PYCR3: variants seen among roughly 807,000 people sequenced by gnomAD.
PYCR3 encodes P5C reductase 3.
A neutral mutation model predicts 23.4 loss-of-function variants in PYCR3; 26 were observed. The ratio of observed to expected loss-of-function variants is 1.11; its 90% CI spans 0.81 to 1.54. PYCR3 has a LOEUF of 1.54. Among genes scored for constraint, PYCR3 ranks in the 40% most tolerant of loss-of-function variants. PYCR3 has a pLI of 0.00. For missense variants in PYCR3, 360 were observed against 376.3 expected (o/e 0.96, Z 0.36); for synonymous variants, 194 against 162.6 (o/e 1.19, Z -1.47).
At position 143,604,891 on chromosome 8, in the gene PYCR3, G is replaced by A. The variant is rs757573929; in HGVS notation, c.*809C>T. ...TAGGCACGGGGCAGGAGGGCCCAGA[G>A]CCACCTGGCCACTTGTCAGGAGCTT... On this transcript the variant is annotated 3_prime_UTR_variant, in exon 6 of 6. Coordinates refer to ENST00000495276, the MANE Select transcript of PYCR3 (RefSeq NM_023078.6). 14 of 505,040 alleles carry A rather than the reference G, an allele frequency of 2.8e-5. No individual in the cohort carries two copies. The highest frequency in any genetic ancestry group is 7.9e-6 in the Non-Finnish European group (2 of 253,770). 31.3% of individuals were successfully genotyped at this position (505,040 alleles called of 1,614,324 possible). A position where few individuals can be genotyped will look rare whatever the true frequency, so the allele number is the denominator to read the frequency against.
At chr8:143,606,816 G>C (rs753448616) in intron 3 of PYCR3, 137 bp from the exon 4 acceptor site, 195 of 1,339,926 alleles carry the variant, frequency 1.5e-4, no homozygotes, top group Non-Finnish European at 1.8e-4. Flanking sequence ...AGCACCAGGA[G>C]GGAACCCTAA....
In PYCR3 at chr8:143,603,256, T is replaced by A. The variant is rs1472645097; in HGVS notation, c.*2444A>T. On this transcript the variant is annotated 3_prime_UTR_variant, in exon 6 of 6. Transcript: ENST00000495276. ...TTTTGAAGTCTTATTTTTAAACTCT[T>A]GATCCAACGCTTGGATCAGGAATAC... 1.3e-5 allele frequency: 2 copies of A among 152,250 alleles called. No homozygotes were observed. Among genetic ancestry groups the A allele is most frequent in the African/African-American group, 4.8e-5 (2 of 41,458 alleles). 9.4% of individuals were successfully genotyped at this position (152,250 alleles called of 1,614,324 possible).
intron 2 of PYCR3, 45 bp from the exon 3 acceptor site, chr8:143,607,177 G>A (rs1239231601): frequency 6.1e-6 from 9 of 1,474,642 alleles, no homozygotes; most frequent in East Asian, 2.5e-5. Flanking sequence ...CCATGTAAGC[G>A]GCGCACCCTC....
At chr8:143,608,311 T>C in intron 1 of PYCR3, 185 bp from the exon 2 acceptor site, 1 of 595,590 alleles carries the variant, frequency 1.7e-6, no homozygotes, top group South Asian at 2.0e-5. Context: ...GATCCACTGA[T>C]TCTACTTGGC....
rs778018660 is a variant in PYCR3, at chr8:143,605,812, C to A, written c.713G>T (p.Gly238Val). The A allele has an allele frequency of 5.0e-6, 8 of 1,612,216 alleles. No homozygotes were observed. Among genetic ancestry groups the A allele is most frequent in the Non-Finnish European group, 6.8e-6 (8 of 1,179,722 alleles). ...GTGGAGTCCATAGATGGTGGTGCCA[C>A]CCGGGGTGCACACGTCTGAGCGCAG... ...AQLRSDVCTP[G>V]GTTIYGLHAL... Residue 238 changes from glycine to valine, a missense_variant, in exon 6 of 6, where the codon GGT becomes GTT. Gly to Val is a moderately radical substitution (Grantham distance 109, BLOSUM62 -3). Transcript: ENST00000495276.
chr8:143,608,824 C>G, intron 1 of PYCR3: 1 of 456,630 alleles, frequency 2.2e-6, no homozygotes, highest in Non-Finnish European at 4.4e-6. Context: ...TCCTGAGACT[C>G]ATAGTAAGCT....
At chr8:143,608,581 C>G in intron 1 of PYCR3, 1 of 327,140 alleles carries the variant, frequency 3.1e-6, no homozygotes, top group South Asian at 2.4e-5. Flanking sequence ...GGCTAAATGC[C>G]TACTTGGTAG....
intron 1 of PYCR3, 106 bp downstream of exon 1, chr8:143,609,352 G>T: frequency 1.6e-6 from 2 of 1,254,628 alleles, no homozygotes; most frequent in South Asian, 1.7e-5. Flanking sequence ...GCGGAGCGGA[G>T]ACCCGGTTGG....
At position 143,606,892 on chromosome 8, in the gene PYCR3, G is replaced by A. The variant is rs951531694; in HGVS notation, c.336+61C>T. The A allele has an allele frequency of 3.0e-5, 46 of 1,514,092 alleles. No homozygotes were observed. The Admixed American group carries it at 5.3e-4, about 17-fold the overall frequency. The allele number at this position is 1,514,092 out of a possible 1,614,324, so 93.8% of individuals were successfully genotyped here. On this transcript the variant is annotated intron_variant, in intron 3 of 5. Transcript: ENST00000495276. ...CAGGCTCTCTGGGGGGCTGCCTGCC[G>A]CCCAAGCCTGGCCAGCAGAGCCTAT...
In PYCR3 at chr8:143,606,138, T is replaced by C; in HGVS notation, c.566A>G (p.Glu189Gly). 1 of 1,609,458 alleles carries C rather than the reference T, an allele frequency of 6.2e-7. No homozygotes were observed. Among genetic ancestry groups the C allele is most frequent in the East Asian group, 2.2e-5 (1 of 44,700 alleles). ...SGVAFVCAFS[E>G]ALAEGAVKMG... ...CTTGACGGCTCCTTCAGCCAGGGCC[T>C]CGGAGAATGCACACACCTGTAGCCG... is the stretch of plus-strand genomic sequence containing the variant. The change falls in exon 5 of 6, where the codon GAG becomes GGG. Residue 189 changes from glutamate (E) to glycine (G), a missense_variant. By Grantham distance (98) the Glu-to-Gly change is moderately conservative (BLOSUM62 -2). Coordinates refer to ENST00000495276, the MANE Select transcript of PYCR3 (RefSeq NM_023078.6).
In PYCR3 at chr8:143,606,147, G is replaced by T; in HGVS notation, c.557C>A (p.Ala186Glu). Residue 186 changes from alanine to glutamate, a missense_variant, in exon 5 of 6, where the codon GCA (alanine) becomes GAA (glutamate). By Grantham distance (107) the Ala-to-Glu change is moderately radical. Transcript: ENST00000495276. Reference sequence around the variant, plus strand: ...TCCTTCAGCCAGGGCCTCGGAGAATGCACACACCTGTAGCCGCGGCATGGT... The same window carrying T: ...TCCTTCAGCCAGGGCCTCGGAGAATTCACACACCTGTAGCCGCGGCATGGT... ...LSGSGVAFVC[A>E]FSEALAEGAV... 1 of 1,608,704 alleles carries T rather than the reference G, an allele frequency of 6.2e-7. No homozygotes were observed. The highest frequency in any genetic ancestry group is 8.5e-7 in the Non-Finnish European group (1 of 1,178,246).
rs768910534 is a variant in PYCR3, at chr8:143,609,535, T to G, written c.14A>C (p.Glu5Ala). 10 of 1,510,708 alleles carry G rather than the reference T, an allele frequency of 6.6e-6. No individual in the cohort carries two copies. The South Asian group carries it at 8.6e-5, about 13-fold the overall frequency. The allele number at this position is 1,510,708 out of a possible 1,614,324, so 93.6% of individuals were successfully genotyped here. The change falls in exon 1 of 6, where the codon GAG becomes GCG. Residue 5 changes from glutamate (E) to alanine (A), a missense_variant. Physicochemically the swap from Glu to Ala is moderately radical, Grantham distance 107. Coordinates refer to ENST00000495276, the MANE Select transcript of PYCR3 (RefSeq NM_023078.6). ...GAAGCCCACGCGCCGCGGAGACGGCTCCGCAGCTGCCATCTTGTTGCCTCG... is the reference window on the plus strand; with the variant it reads ...GAAGCCCACGCGCCGCGGAGACGGCGCCGCAGCTGCCATCTTGTTGCCTCG... The part of the protein sequence containing the change: MAAA[E>A]PSPRRVGFVG...
intron 3 of PYCR3, 76 bp downstream of exon 3, chr8:143,606,877 G>A: frequency 3.4e-6 from 5 of 1,479,894 alleles, no homozygotes; most frequent in Non-Finnish European, 4.6e-6. Context: ...CAGGCTCTCT[G>A]GGGGGCTGCC....
intron 1 of PYCR3, chr8:143,608,490 G>C (rs988867862): frequency 8.3e-6 from 3 of 363,052 alleles, no homozygotes; most frequent in Non-Finnish European, 1.0e-5. Context: ...TGGGTACAAA[G>C]GCAGTTGATT....
intron 2 of PYCR3, among the ~76,000 whole-genome samples, chr8:143,607,498 A>G (rs1453520366): frequency 6.6e-6 from 1 of 152,072 alleles, no homozygotes; most frequent in Admixed American, 6.5e-5. Flanking sequence ...ACATGAATGC[A>G]CTCATGAGCA....
intron 1 of PYCR3, 69 bp from the exon 2 acceptor site, chr8:143,608,195 A>G: frequency 7.6e-7 from 1 of 1,311,800 alleles, no homozygotes. Flanking sequence ...GAGGAGAGGG[A>G]GCTCACTTGG....
At chr8:143,607,225 C>G in intron 2 of PYCR3, 93 bp from the exon 3 acceptor site, 1 of 1,273,038 alleles carries the variant, frequency 7.9e-7, no homozygotes, top group South Asian at 1.5e-5. Context: ...CACACGTTCC[C>G]ATGGTCCCAG....
Position 143,606,910 on chromosome 8 carries a change from G to A in PYCR3, c.336+43C>T, listed in dbSNP as rs200415421. 1.8e-4 allele frequency: 279 copies of A among 1,537,462 alleles called. 1 individual carries two copies. The East Asian group carries it at 3.8e-3, about 21-fold the overall frequency. On this transcript the variant is annotated intron_variant, in intron 3 of 5. Transcript: ENST00000495276. Reference sequence around the variant, plus strand: ...GCCTGCCGCCCAAGCCTGGCCAGCAGAGCCTATACTGGGACCAAGGCCTTA... The same window carrying A: ...GCCTGCCGCCCAAGCCTGGCCAGCAAAGCCTATACTGGGACCAAGGCCTTA...
At position 143,606,084 on chromosome 8, in the gene PYCR3, C is replaced by T. The variant is rs539320202; in HGVS notation, c.620G>A (p.Arg207His). The T allele has an allele frequency of 4.3e-6, 7 of 1,609,610 alleles. No individual in the cohort carries two copies. Among genetic ancestry groups the T allele is most frequent in the Middle Eastern group, 1.7e-4 (1 of 6,044 alleles). Reference sequence around the variant, plus strand: ...CACCAGCAGGGTCTGGGCAGCGATGCGGTGGGCCAGGCTGCTGGGCATGCC... The same window carrying T: ...CACCAGCAGGGTCTGGGCAGCGATGTGGTGGGCCAGGCTGCTGGGCATGCC... Reference protein sequence around the residue: ...KMGMPSSLAHRIAAQTLLGTA... With the variant: ...KMGMPSSLAHHIAAQTLLGTA... The change falls in exon 5 of 6, where the codon CGC (arginine) becomes CAC (histidine). Residue 207 changes from arginine to histidine, a missense_variant. Coordinates refer to ENST00000495276, the MANE Select transcript of PYCR3 (RefSeq NM_023078.6).
Sources: allele counts gnomAD v4.1 joint callset (sites outside exome capture counted in the v4.1 genomes callset), GRCh38; gene constraint gnomAD v4.1.1; transcripts MANE v1.5; gene names NCBI Gene and HGNC (gene_info 2026-07-23, HGNC 2026-07-21).